The following TATDN2 variants were observed in gnomAD, a reference collection of about 807,000 sequenced individuals.
TATDN2 encodes 3'-5' RNA nuclease TATDN2.
A neutral mutation model predicts 60.3 loss-of-function variants in TATDN2; 44 were observed. That is an observed-to-expected ratio of 0.73 (90% CI 0.57 to 0.94). The LOEUF (loss-of-function observed/expected upper bound fraction) is 0.94. TATDN2 is among the 40% of genes least tolerant of loss of function. The pLI is 0.00. For synonymous variants in TATDN2, 399 were observed against 355.8 expected (o/e 1.12, Z -1.37); for missense variants, 997 against 948.0 (o/e 1.05, Z -0.68).
At chr3:10,273,453 G>A (rs1245901214) in intron 4 of TATDN2, among the ~76,000 whole-genome samples, 1 of 152,040 alleles carries the variant, frequency 6.6e-6, no homozygotes, top group Non-Finnish European at 1.5e-5. Flanking sequence ...TCTTGTGAAG[G>A]GAAGAAGAAG....
chr3:10,258,061 T>C (rs1022350721), intron 2 of TATDN2, among the ~76,000 whole-genome samples: 1 of 150,458 alleles, frequency 6.6e-6, no homozygotes, highest in East Asian at 2.0e-4. Flanking sequence ...GGGGTTTCAC[T>C]GTGTTAGCCA....
intron 2 of TATDN2, among the ~76,000 whole-genome samples, chr3:10,257,611 A>AC (rs1297091503): frequency 1.2e-4 from 18 of 147,702 alleles, no homozygotes; most frequent in African/African-American, 4.5e-4. Context: ...AAAAAAAAAA[A>AC]CAAAAAAAAA....
intron 2 of TATDN2, among the ~76,000 whole-genome samples, chr3:10,257,879 GA>G (rs2125173361): frequency 3.7e-5 from 1 of 27,218 alleles, no homozygotes; most frequent in East Asian, 3.4e-3. Context: ...TTTTTTTTGG[GA>G]GATGGAGTCT....
intron 3 of TATDN2, among the ~76,000 whole-genome samples, chr3:10,265,439 T>C (rs1420953517): frequency 1.3e-5 from 2 of 150,800 alleles, no homozygotes; most frequent in Non-Finnish European, 3.0e-5. Flanking sequence ...CCCAGCACTT[T>C]GGGAGGCTGA....
intron 1 of TATDN2, 43 bp from the exon 2 acceptor site, chr3:10,249,152 C>T: frequency 1.4e-6 from 2 of 1,480,266 alleles, no homozygotes; most frequent in Non-Finnish European, 1.8e-6. Context: ...GTGGGGTCGC[C>T]AGGAAGGGTG....
chr3:10,276,205 C>T (rs572002652), intron 4 of TATDN2, among the ~76,000 whole-genome samples, 156 bp from the exon 5 acceptor site: 3 of 152,172 alleles, frequency 2.0e-5, no homozygotes, highest in Non-Finnish European at 2.9e-5. Flanking sequence ...CACTACCTGG[C>T]TCTATTGTAA....
chr3:10,250,085 A>C (rs1698198330), intron 2 of TATDN2, among the ~76,000 whole-genome samples: 1 of 151,942 alleles, frequency 6.6e-6, no homozygotes, highest in Non-Finnish European at 1.5e-5. Context: ...TCTGAATCAC[A>C]GAACCAAGAA....
chr3:10,264,942 C>T (rs560368703), intron 3 of TATDN2, among the ~76,000 whole-genome samples: 1 of 150,132 alleles, frequency 6.7e-6, no homozygotes, highest in South Asian at 2.1e-4. Context: ...TCCCAAAGTG[C>T]TGGGATTACA....
Position 10,260,414 on chromosome 3 carries a change from C to T in TATDN2, c.692C>T (p.Ala231Val). 6.2e-7 allele frequency: 1 copy of T among 1,614,136 alleles called. No individual in the cohort carries two copies. The highest frequency in any genetic ancestry group is 8.5e-7 in the Non-Finnish European group (1 of 1,180,000). The change falls in exon 3 of 8, where the codon GCC (alanine) becomes GTC (valine). Residue 231 changes from alanine (A) to valine (V), a missense_variant. Transcript: ENST00000448281. The stretch of plus-strand genomic sequence containing the variant: ...GGACCAGCCAGGAGTGAAGGACCAG[C>T]CAAGACTGCAGAAGGAGCAGCCAGG... The part of the protein sequence containing the change: ...GEGPARSEGP[A>V]KTAEGAARSV...
chr3:10,275,050 A>C (rs1022770218), intron 4 of TATDN2, among the ~76,000 whole-genome samples: 12 of 144,284 alleles, frequency 8.3e-5, no homozygotes, highest in African/African-American at 3.1e-4. Flanking sequence ...CAGTGGCATG[A>C]TCTCAGCTCA....
rs554899915 is a variant in TATDN2, at chr3:10,280,689, G to A, written c.*1507G>A. The stretch of plus-strand genomic sequence containing the variant: ...CCCCTGGTACACAAGTCACTGGCCT[G>A]GAACTCAGCCTTGATTCACTGTCCG... On this transcript the variant is annotated 3_prime_UTR_variant, in exon 8 of 8. Transcript: ENST00000448281. 1.8e-4 allele frequency: 28 copies of A among 153,816 alleles called. No homozygotes were observed. The highest frequency in any genetic ancestry group is 1.2e-3 in the Admixed American group (19 of 15,278). The allele number at this position is 153,816 out of a possible 1,614,324, so 9.5% of individuals were successfully genotyped here. A position where few individuals can be genotyped will look rare whatever the true frequency, so the allele number is the denominator to read the frequency against.
At position 10,270,988 on chromosome 3, in the gene TATDN2, C is replaced by T. The variant is rs1315459032; in HGVS notation, c.1806C>T (p.Cys602=). The change falls in exon 4 of 8, where the codon TGC becomes TGT. Residue 602 remains cysteine, a synonymous_variant. Coordinates refer to ENST00000448281, the MANE Select transcript of TATDN2 (RefSeq NM_014760.4). The part of the protein sequence containing the change: ...GEMGLDYSYK[C]TTPVPEQHKV... ...TGGGCTTGGATTACTCTTACAAGTG[C>T]ACCACGCCTGTCCCAGAACAGCACA... 2 of 1,601,358 alleles carry T rather than the reference C, an allele frequency of 1.2e-6. No homozygotes were observed. Among genetic ancestry groups the T allele is most frequent in the African/African-American group, 1.3e-5 (1 of 74,526 alleles).
intron 3 of TATDN2, among the ~76,000 whole-genome samples, chr3:10,266,560 C>T (rs542522856): frequency 6.6e-6 from 1 of 152,182 alleles, no homozygotes; most frequent in Non-Finnish European, 1.5e-5. Context: ...AATGGGCTAG[C>T]TCTTCAAATG....
At chr3:10,255,385 T>G (rs1223232651) in intron 2 of TATDN2, among the ~76,000 whole-genome samples, 4 of 152,146 alleles carry the variant, frequency 2.6e-5, no homozygotes, top group Non-Finnish European at 5.9e-5. Flanking sequence ...AGAACTTGAG[T>G]TTGAATCCCG....
intron 2 of TATDN2, among the ~76,000 whole-genome samples, chr3:10,250,181 T>C (rs1202181001): frequency 3.3e-5 from 5 of 149,906 alleles, no homozygotes; most frequent in Admixed American, 6.6e-5. Context: ...TTTTTTTTTT[T>C]TCTTTTTTTT....
rs1386877470 is a variant in TATDN2, at chr3:10,281,212, T to A, written c.*2030T>A. Reference sequence around the variant, plus strand: ...TCTGAAAATAAAGTGATGGATCCTCTAGCCAACCCAGTCTCTCCGTGTTTG... The same window carrying A: ...TCTGAAAATAAAGTGATGGATCCTCAAGCCAACCCAGTCTCTCCGTGTTTG... On this transcript the variant is annotated 3_prime_UTR_variant, in exon 8 of 8. Transcript: ENST00000448281. 3.3e-5 allele frequency: 5 copies of A among 152,222 alleles called. No homozygotes were observed. Among genetic ancestry groups the A allele is most frequent in the African/African-American group, 1.2e-4 (5 of 41,462 alleles). 9.4% of individuals were successfully genotyped at this position (152,222 alleles called of 1,614,324 possible). A position where few individuals can be genotyped will look rare whatever the true frequency, so the allele number is the denominator to read the frequency against.
chr3:10,275,248 G>T (rs1698618214), intron 4 of TATDN2, among the ~76,000 whole-genome samples: 1 of 151,936 alleles, frequency 6.6e-6, no homozygotes, highest in Non-Finnish European at 1.5e-5. Context: ...CAAAGTGCTG[G>T]GATTACAGGT....
chr3:10,264,009 G>T (rs1256879257), intron 3 of TATDN2, among the ~76,000 whole-genome samples: 1 of 152,138 alleles, frequency 6.6e-6, no homozygotes, highest in Admixed American at 6.6e-5. Context: ...CGGCTGCGGG[G>T]GCGGCGTCAG....
Position 10,268,593 on chromosome 3 carries a change from C to T in TATDN2, c.949-1538C>T, listed in dbSNP as rs144349967. Among the ~76,000 whole-genome samples the T allele has an allele frequency of 1.6e-3, 243 of 152,204 alleles. 1 individual carries two copies. The highest frequency in any genetic ancestry group is 0.016 in the South Asian group (76 of 4,826). ...TCAAACCTGGTCTGCATCACAATTCCGGGGAGAGTTAAATGCAGATTCCTT... is the reference window on the plus strand; with the variant it reads ...TCAAACCTGGTCTGCATCACAATTCTGGGGAGAGTTAAATGCAGATTCCTT... On this transcript the variant is annotated intron_variant, in intron 3 of 7. Transcript: ENST00000448281.
Sources: allele counts gnomAD v4.1 joint callset (sites outside exome capture counted in the v4.1 genomes callset), GRCh38; gene constraint gnomAD v4.1.1; transcripts MANE v1.5; gene names NCBI Gene and HGNC (gene_info 2026-07-23, HGNC 2026-07-21).